Variants in PCDHGA5 observed in about 807,000 individuals in gnomAD.
PCDHGA5 encodes the protein protocadherin gamma-A5.
In PCDHGA5, 36 loss-of-function variants were observed where a neutral mutation model predicts 56.7. That is an observed-to-expected ratio of 0.64 (90% confidence interval 0.49 to 0.84). The LOEUF is 0.84. Among genes scored for constraint, PCDHGA5 ranks in the 40% least tolerant of loss-of-function variants. PCDHGA5 has a pLI of 0.00. For missense variants in PCDHGA5, 1,305 were observed against 1,201.5 expected (o/e 1.09, Z -1.27); for synonymous variants, 563 against 520.2 (o/e 1.08, Z -1.12).
At chr5:141,370,537 G>C (rs1484817452) in intron 1 of PCDHGA5, 1 of 1,613,924 alleles carries the variant, frequency 6.2e-7, no homozygotes. Context: ...TCGCTGGTAG[G>C]GAACCTCGCC....
At chr5:141,418,347 G>A in intron 1 of PCDHGA5, 1 of 1,614,024 alleles carries the variant, frequency 6.2e-7, no homozygotes, top group Non-Finnish European at 8.5e-7. Flanking sequence ...CCTGATATTA[G>A]TATGAATTCG....
At chr5:141,371,661 A>G (rs1767926487) in intron 1 of PCDHGA5, 2 of 1,614,044 alleles carry the variant, frequency 1.2e-6, no homozygotes, top group Admixed American at 1.7e-5. Context: ...TGTGACGATC[A>G]CAGCTACCGA....
At chr5:141,415,392 G>T in intron 1 of PCDHGA5, 1 of 1,614,238 alleles carries the variant, frequency 6.2e-7, no homozygotes, top group Non-Finnish European at 8.5e-7. Context: ...TGACAGGTGT[G>T]TCCGGCTCGC....
At chr5:141,373,945 C>A in intron 1 of PCDHGA5, 1 of 765,672 alleles carries the variant, frequency 1.3e-6, no homozygotes, top group Non-Finnish European at 1.9e-6. Flanking sequence ...GAAAGCTGTG[C>A]AGAAATTCTG....
At chr5:141,392,922 G>A (rs2092629176) in intron 1 of PCDHGA5, 1 of 1,613,946 alleles carries the variant, frequency 6.2e-7, no homozygotes, top group African/African-American at 1.3e-5. Context: ...CTCTGTGCCA[G>A]AAGAGACGGA....
At position 141,490,054 on chromosome 5, in the gene PCDHGA5, G is replaced by A. The variant is rs2099695440; in HGVS notation, c.2422-4753G>A. The A allele has an allele frequency of 6.2e-7, 1 of 1,614,104 alleles. No individual in the cohort carries two copies. The highest frequency in any genetic ancestry group is 1.3e-5 in the African/African-American group (1 of 74,944). ...CCTCAATGCCACTGATCCAGACGAG[G>A]GCACCAACGGCCAACTAGACTATTC... On this transcript the variant is annotated intron_variant, in intron 1 of 3. Transcript: ENST00000518069. This position sits in a 1 kb window ranked among gnomAD's most constrained non-coding sequence, Gnocchi z 5.4.
At chr5:141,399,751 G>T (rs564705346) in intron 1 of PCDHGA5, 2 of 1,613,322 alleles carry the variant, frequency 1.2e-6, no homozygotes, top group Non-Finnish European at 1.7e-6. Context: ...CAGCGCAAAC[G>T]TGAGCCTGCG....
intron 1 of PCDHGA5, chr5:141,439,900 A>G (rs562278732): frequency 6.6e-5 from 10 of 152,362 alleles, no homozygotes; most frequent in African/African-American, 2.2e-4. Flanking sequence ...CAAGGCGACT[A>G]CTGCCTCCTT....
At chr5:141,406,043 A>G (rs1346440934) in intron 1 of PCDHGA5, among the ~76,000 whole-genome samples, 3 of 150,174 alleles carry the variant, frequency 2.0e-5, no homozygotes, top group East Asian at 3.9e-4. Context: ...CATTGGTTGC[A>G]GTGGACTCAT....
In PCDHGA5 at chr5:141,365,503, T is replaced by G. The variant is rs755169931; in HGVS notation, c.1173T>G (p.Pro391=). Residue 391 remains proline (P), a synonymous_variant, in exon 1 of 4, where the codon CCT becomes CCG. Coordinates refer to ENST00000518069, the MANE Select transcript of PCDHGA5 (RefSeq NM_018918.3). ...EIACSIPRNL[P]FKLEKSVDNY... ...CATGCTCTATTCCTAGGAATTTGCC[T>G]TTTAAATTGGAGAAGTCAGTTGATA... is the stretch of plus-strand genomic sequence containing the variant. 1 of 1,613,948 alleles carries G rather than the reference T, an allele frequency of 6.2e-7. No individual in the cohort carries two copies. Among genetic ancestry groups the G allele is most frequent in the Non-Finnish European group, 8.5e-7 (1 of 1,179,880 alleles).
chr5:141,487,516 G>A lies in PCDHGA5; in HGVS notation c.2422-7291G>A, dbSNP rs2099648095. On this transcript the variant is annotated intron_variant, in intron 1 of 3. Coordinates refer to ENST00000518069, the MANE Select transcript of PCDHGA5 (RefSeq NM_018918.3). The surrounding 1 kb of genome is among the most constrained non-coding windows in gnomAD (Gnocchi z 5.0). ...CACCCTTGGCTTCTGCACCCACTCG[G>A]AGTGATAGCTTCATGATGGTGAAGT... 6.2e-7 allele frequency: 1 copy of A among 1,614,078 alleles called. No individual in the cohort carries two copies. The highest frequency in any genetic ancestry group is 1.7e-5 in the Admixed American group (1 of 60,010).
intron 1 of PCDHGA5, chr5:141,423,426 GGCAGGTA>G: frequency 1.9e-6 from 3 of 1,614,028 alleles, no homozygotes; most frequent in Non-Finnish European, 2.5e-6. Flanking sequence ...AAGGCGGGTT[GGCAGGTA>G]TGCCCACGTC....
chr5:141,369,254 T>A (rs1743165923), intron 1 of PCDHGA5, among the ~76,000 whole-genome samples: 1 of 152,160 alleles, frequency 6.6e-6, no homozygotes, highest in Admixed American at 6.5e-5. Flanking sequence ...TTAAATAATA[T>A]AATTATAAGG....
chr5:141,375,174 C>G (rs765614006), intron 1 of PCDHGA5: 7 of 1,613,886 alleles, frequency 4.3e-6, no homozygotes, highest in East Asian at 4.5e-5. Flanking sequence ...CCTCCAGGAA[C>G]AGTAATCGCC....
chr5:141,375,761 C>T (rs1771855837), intron 1 of PCDHGA5: 1 of 1,614,118 alleles, frequency 6.2e-7, no homozygotes, highest in Admixed American at 1.7e-5. Flanking sequence ...TGACAATGCG[C>T]CCGAGATCCT....
chr5:141,383,890 G>A lies in PCDHGA5; in HGVS notation c.2421+17139G>A, dbSNP rs1274384804. 3.1e-6 allele frequency: 5 copies of A among 1,613,936 alleles called. No individual in the cohort carries two copies. Among genetic ancestry groups the A allele is most frequent in the Non-Finnish European group, 4.2e-6 (5 of 1,179,896 alleles). On this transcript the variant is annotated intron_variant, in intron 1 of 3. Transcript: ENST00000518069. The stretch of plus-strand genomic sequence containing the variant: ...AGATGGTCCTGGTAGTCTGACAAAG[G>A]CAAAAGTACTGATCACAGTTTTAGA...
Position 141,476,745 on chromosome 5 carries a change from T to C in PCDHGA5, c.2422-18062T>C, listed in dbSNP as rs1372622323. 6.2e-7 allele frequency: 1 copy of C among 1,613,958 alleles called. No individual in the cohort carries two copies. On this transcript the variant is annotated intron_variant, in intron 1 of 3. Coordinates refer to ENST00000518069, the MANE Select transcript of PCDHGA5 (RefSeq NM_018918.3). This position sits in a 1 kb window ranked among gnomAD's most constrained non-coding sequence, Gnocchi z 7.6. The stretch of plus-strand genomic sequence containing the variant: ...CTGGACCGAGAACGGGAGCCTAGTC[T>C]CCAGTTAGTGCTGACGGCGTTGGAC...
rs751567991 is a variant in PCDHGA5 at position 141,398,180 on chromosome 5, T to C, written c.2421+31429T>C. ...CGGGCTGAGAGGCTGCCAGTGCTCT[T>C]TCTCTTCCTGCTGTCTTTGTTCTGC... On this transcript the variant is annotated intron_variant, in intron 1 of 3. Coordinates refer to ENST00000518069, the MANE Select transcript of PCDHGA5 (RefSeq NM_018918.3). 3 of 1,473,764 alleles carry C rather than the reference T, an allele frequency of 2.0e-6. No individual in the cohort carries two copies. The African/African-American group carries it at 4.3e-5, about 21-fold the overall frequency. The allele number at this position is 1,473,764 out of a possible 1,614,324, so 91.3% of individuals were successfully genotyped here. A position where few individuals can be genotyped will look rare whatever the true frequency, so the allele number is the denominator to read the frequency against.
intron 1 of PCDHGA5, chr5:141,412,160 G>T (rs952899384): frequency 2.0e-5 from 3 of 152,212 alleles, no homozygotes; most frequent in Middle Eastern, 3.2e-3. Flanking sequence ...TAAGAGAAGA[G>T]ATTATTTATA....
Sources: gnomAD v4.1 joint callset for allele counts (sites outside exome capture counted in the v4.1 genomes callset) on GRCh38, gnomAD v4.1.1 for gene constraint, Gnocchi (gnomAD v3.1) non-coding constraint, MANE v1.5 for transcripts, NCBI Gene and HGNC (gene_info 2026-07-23, HGNC 2026-07-21) for gene names.